UHRF1: variants seen among roughly 807,000 people sequenced by gnomAD.
The protein encoded by UHRF1 is ubiquitin like with PHD and ring finger domains 1.
Under a neutral mutation model 96.5 loss-of-function variants are expected in UHRF1, and 9 were observed. The ratio of observed to expected loss-of-function variants is 0.09; its 90% CI spans 0.06 to 0.16. The LOEUF is 0.16. Among genes scored for constraint, UHRF1 ranks in the 10% least tolerant of loss-of-function variants. The probability of loss-of-function intolerance (pLI) is 1.00; values close to 1 mark genes in which losing one functional copy is unlikely to be tolerated. For missense variants in UHRF1, 626 were observed against 1,131.1 expected, an observed-to-expected ratio of 0.55 and a Z score of 6.40; for synonymous variants, 455 against 469.9, an observed-to-expected ratio of 0.97 and a Z score of 0.41.
intron 2 of UHRF1, among the ~76,000 whole-genome samples, chr19:4,927,736 T>G (rs1279794011): frequency 6.6e-6 from 1 of 151,794 alleles, no homozygotes; most frequent in Non-Finnish European, 1.5e-5. Flanking sequence ...GCCGCTGCAG[T>G]GCCTCTGCAG....
chr19:4,930,595 C>G lies in UHRF1; in HGVS notation c.409-121C>G. ...GTTCCCAGCCAGGGAGGAGAAACCTCGCTGTGGGCATTCGAGTTTGCGCCC... is the reference window on the plus strand; with the variant it reads ...GTTCCCAGCCAGGGAGGAGAAACCTGGCTGTGGGCATTCGAGTTTGCGCCC... On this transcript the variant is annotated intron_variant, in intron 3 of 16. Coordinates refer to ENST00000650932, the MANE Select transcript of UHRF1 (RefSeq NM_001048201.3). The surrounding 1 kb of genome is among the most constrained non-coding windows in gnomAD (Gnocchi z 4.4). The G allele has an allele frequency of 7.9e-7, 1 of 1,262,180 alleles. No individual in the cohort carries two copies. Among genetic ancestry groups the G allele is most frequent in the Non-Finnish European group, 1.1e-6 (1 of 910,810 alleles). The allele number at this position is 1,262,180 out of a possible 1,614,324, so 78.2% of individuals were successfully genotyped here.
chr19:4,932,723 C>T lies in UHRF1; in HGVS notation c.570-18C>T. 1 of 1,612,780 alleles carries T rather than the reference C, an allele frequency of 6.2e-7. No individual in the cohort carries two copies. Among genetic ancestry groups the T allele is most frequent in the Middle Eastern group, 1.7e-4 (1 of 6,054 alleles). ...CTTGGTCTTAGCACGGGGTCTAAGG[C>T]CCGGGCTTTCCTCCCAGCTACCCGG... On this transcript the variant is annotated intron_variant, in intron 4 of 16. Transcript: ENST00000650932.
chr19:4,931,123 CATCAGTTTTTCTGTTTT>C (rs1468493967), intron 4 of UHRF1, among the ~76,000 whole-genome samples: 1 of 152,174 alleles, frequency 6.6e-6, no homozygotes, highest in African/African-American at 2.4e-5. Context: ...ACTGCCACCC[CATCAGTTTTTCTGTTTT>C]ATTCCATCTT....
chr19:4,926,865 C>T (rs1373180367), intron 2 of UHRF1, among the ~76,000 whole-genome samples: 2 of 151,916 alleles, frequency 1.3e-5, no homozygotes, highest in African/African-American at 4.8e-5. Context: ...GAGATCGAGA[C>T]CATTCTGGCT....
chr19:4,928,827 G>A (rs2032953926), intron 2 of UHRF1, among the ~76,000 whole-genome samples: 1 of 152,148 alleles, frequency 6.6e-6, no homozygotes, highest in African/African-American at 2.4e-5. Context: ...CGTCCCCCGG[G>A]GTCTGAATCA....
Position 4,954,848 on chromosome 19 carries a change from C to T in UHRF1, c.2130+26C>T. 2 of 1,609,896 alleles carry T rather than the reference C, an allele frequency of 1.2e-6. No individual in the cohort carries two copies. The highest frequency in any genetic ancestry group is 1.7e-6 in the Non-Finnish European group (2 of 1,177,976). On this transcript the variant is annotated intron_variant, in intron 15 of 16. Transcript: ENST00000650932. The surrounding 1 kb of genome is among the most constrained non-coding windows in gnomAD (Gnocchi z 5.9). ...GTAGGCTCGCACGGCTCACTCGTCG[C>T]CCTGATTTGCGTTGACTGCGGTAAA...
At chr19:4,931,050 G>A (rs2033035290) in intron 4 of UHRF1, among the ~76,000 whole-genome samples, 174 bp downstream of exon 4, 1 of 152,184 alleles carries the variant, frequency 6.6e-6, no homozygotes, top group South Asian at 2.1e-4. Flanking sequence ...CTAGCCTGGG[G>A]ACCCGAAGCC....
intron 5 of UHRF1, among the ~76,000 whole-genome samples, chr19:4,940,792 C>T (rs2033369316): frequency 1.3e-5 from 2 of 151,870 alleles, no homozygotes; most frequent in Non-Finnish European, 2.9e-5. Context: ...CCTGCCTCAG[C>T]CTCCTGGGTA....
At position 4,932,726 on chromosome 19, in the gene UHRF1, G is replaced by C. The variant is rs781613189; in HGVS notation, c.570-15G>C. The C allele has an allele frequency of 2.3e-5, 37 of 1,612,946 alleles. No homozygotes were observed. Among genetic ancestry groups the C allele is most frequent in the Non-Finnish European group, 3.1e-5 (37 of 1,179,414 alleles). On this transcript the variant is annotated splice_polypyrimidine_tract_variant and intron_variant, in intron 4 of 16. Transcript: ENST00000650932. ...GGTCTTAGCACGGGGTCTAAGGCCC[G>C]GGCTTTCCTCCCAGCTACCCGGAGA...
chr19:4,941,734 C>A lies in UHRF1; in HGVS notation c.887-11C>A. On this transcript the variant is annotated splice_polypyrimidine_tract_variant and intron_variant, in intron 6 of 16. Transcript: ENST00000650932. ...GCCCCGCCGGAGCTGACCCTGCCGCCCCGTGCCCAGGGAAGAGCGGGCCGT... is the reference window on the plus strand; with the variant it reads ...GCCCCGCCGGAGCTGACCCTGCCGCACCGTGCCCAGGGAAGAGCGGGCCGT... The A allele has an allele frequency of 6.5e-7, 1 of 1,548,310 alleles. No individual in the cohort carries two copies. The highest frequency in any genetic ancestry group is 2.4e-5 in the East Asian group (1 of 42,078).
At chr19:4,953,250 C>A (rs1203585402) in intron 13 of UHRF1, among the ~76,000 whole-genome samples, 1 of 152,168 alleles carries the variant, frequency 6.6e-6, no homozygotes, top group Non-Finnish European at 1.5e-5. Context: ...GCGTCCCCCC[C>A]TTACCAGGGG....
intron 2 of UHRF1, among the ~76,000 whole-genome samples, chr19:4,918,760 G>A (rs2032608139): frequency 8.1e-6 from 1 of 124,182 alleles, no homozygotes; most frequent in Non-Finnish European, 1.6e-5. Flanking sequence ...TTGCTCTGTT[G>A]CCCAGGCTGG....
intron 2 of UHRF1, among the ~76,000 whole-genome samples, chr19:4,918,621 TCA>T (rs1256893200): frequency 6.6e-6 from 1 of 151,328 alleles, no homozygotes; most frequent in East Asian, 1.9e-4. Context: ...TCCATATTGG[TCA>T]GGCTGGTCTC....
intron 13 of UHRF1, among the ~76,000 whole-genome samples, chr19:4,951,434 C>T (rs11085109): frequency 0.21 from 32,386 of 152,004 alleles, 3,742 homozygotes; most frequent in Admixed American, 0.26. Flanking sequence ...TCCAGGAGGC[C>T]TCCCGTCTCG....
chr19:4,920,843 G>T (rs2146308079), intron 2 of UHRF1, among the ~76,000 whole-genome samples: 1 of 152,218 alleles, frequency 6.6e-6, no homozygotes, highest in South Asian at 2.1e-4. Context: ...TCGGTCAGGA[G>T]GGCCACGCGC....
chr19:4,909,637 G>A lies in UHRF1; in HGVS notation c.-29G>A, dbSNP rs1285226255. ...GGCCACGCGCGCAGGCAGACAAGCTGTTCGCGGCGACCGGAGAGGTGAGCG... is the reference window on the plus strand; with the variant it reads ...GGCCACGCGCGCAGGCAGACAAGCTATTCGCGGCGACCGGAGAGGTGAGCG... On this transcript the variant is annotated 5_prime_UTR_variant, in exon 1 of 17. Transcript: ENST00000650932. 1 of 578,726 alleles carries A rather than the reference G, an allele frequency of 1.7e-6. No individual in the cohort carries two copies. Among genetic ancestry groups the A allele is most frequent in the Non-Finnish European group, 3.0e-6 (1 of 330,500 alleles). The allele number at this position is 578,726 out of a possible 1,614,324, so 35.8% of individuals were successfully genotyped here.
intron 2 of UHRF1, among the ~76,000 whole-genome samples, chr19:4,925,497 G>A (rs1456420094): frequency 1.3e-5 from 2 of 151,990 alleles, no homozygotes; most frequent in African/African-American, 2.4e-5. Flanking sequence ...TGGCTGAGTC[G>A]TATTTTATTT....
intron 15 of UHRF1, among the ~76,000 whole-genome samples, chr19:4,956,163 T>C (rs1279085659): frequency 1.3e-5 from 2 of 152,206 alleles, no homozygotes; most frequent in Admixed American, 6.5e-5. Flanking sequence ...ACTCCTGACC[T>C]TAGGTGATCT....
At chr19:4,950,246 ATTT>A (rs202069408) in intron 11 of UHRF1, among the ~76,000 whole-genome samples, 1 of 143,276 alleles carries the variant, frequency 7.0e-6, no homozygotes, top group Non-Finnish European at 1.5e-5. Context: ...GAAATATTAA[ATTT>A]TTTTTTTTTT....
Sources: allele counts gnomAD v4.1 joint callset (sites outside exome capture counted in the v4.1 genomes callset), GRCh38; gene constraint gnomAD v4.1.1; non-coding constraint Gnocchi (gnomAD v3.1); transcripts MANE v1.5; gene names NCBI Gene and HGNC (gene_info 2026-07-23, HGNC 2026-07-21).